Variants in ALKBH4 observed in about 807,000 individuals in gnomAD.
ALKBH4 encodes alpha-ketoglutarate-dependent dioxygenase alkB homolog 4.
A neutral mutation model predicts 12.1 loss-of-function variants in ALKBH4; 8 were observed. The ratio of observed to expected loss-of-function variants is 0.66; its 90% CI spans 0.39 to 1.19. ALKBH4 has a LOEUF of 1.19. Ranked by LOEUF, ALKBH4 falls within the 50% of genes most tolerant of loss-of-function variation. The pLI, the probability that ALKBH4 is intolerant of heterozygous loss-of-function variation, is 0.01. For missense variants in ALKBH4, 403 were observed against 430.4 expected, an observed-to-expected ratio of 0.94 and a Z score of 0.56; for synonymous variants, 195 against 191.6, an observed-to-expected ratio of 1.02 and a Z score of -0.15.
At chr7:102,463,850 C>T (rs1237826241) in intron 1 of ALKBH4, among the ~76,000 whole-genome samples, 2 of 152,196 alleles carry the variant, frequency 1.3e-5, no homozygotes, top group Non-Finnish European at 2.9e-5. Context: ...TTACCATGGA[C>T]GTTGGGGCAG....
At chr7:102,461,061 G>A (rs1797783148) in intron 1 of ALKBH4, among the ~76,000 whole-genome samples, 1 of 152,154 alleles carries the variant, frequency 6.6e-6, no homozygotes, top group Non-Finnish European at 1.5e-5. Context: ...ACCAGGCCAG[G>A]CACGGTGGCT....
At chr7:102,458,049 G>A (rs975806846) in intron 2 of ALKBH4, 68 bp from the exon 3 acceptor site, 1 of 1,457,322 alleles carries the variant, frequency 6.9e-7, no homozygotes, top group African/African-American at 1.4e-5. Flanking sequence ...CAGACTAGGT[G>A]GGAAGAATTC....
intron 2 of ALKBH4, among the ~76,000 whole-genome samples, chr7:102,458,460 T>C (rs1020192118): frequency 6.6e-6 from 1 of 152,122 alleles, no homozygotes; most frequent in Non-Finnish European, 1.5e-5. Flanking sequence ...TTCCAGCTAC[T>C]TAGGAGGCTG....
In ALKBH4 at chr7:102,459,821, C is replaced by A; in HGVS notation, c.124-20G>T. Reference sequence around the variant, plus strand: ...TGTTTTCTGCAAAAGAAACACAAGTCCACAGGCTGGGCAACACAGCGAGAC... The same window carrying A: ...TGTTTTCTGCAAAAGAAACACAAGTACACAGGCTGGGCAACACAGCGAGAC... On this transcript the variant is annotated intron_variant, in intron 1 of 2. Coordinates refer to ENST00000292566, the MANE Select transcript of ALKBH4 (RefSeq NM_017621.4). 1 of 1,572,938 alleles carries A rather than the reference C, an allele frequency of 6.4e-7. No homozygotes were observed. Among genetic ancestry groups the A allele is most frequent in the Non-Finnish European group, 8.6e-7 (1 of 1,158,040 alleles).
chr7:102,457,579 G>T lies in ALKBH4; in HGVS notation c.724C>A (p.Leu242Met). The part of the protein sequence containing the change: ...VAIPLPARSL[L>M]VLTGAARHQW... ...TGCCGTGCCGCCCCGGTGAGGACCAGCAGGGAGCGGGCGGGTAAGGGGATG... is the reference window on the plus strand; with the variant it reads ...TGCCGTGCCGCCCCGGTGAGGACCATCAGGGAGCGGGCGGGTAAGGGGATG... The change falls in exon 3 of 3, where the codon CTG (leucine) becomes ATG (methionine). Residue 242 changes from leucine (L) to methionine (M), a missense_variant. Leu to Met is a conservative substitution (Grantham distance 15). Coordinates refer to ENST00000292566, the MANE Select transcript of ALKBH4 (RefSeq NM_017621.4). This position sits in a 1 kb window ranked among gnomAD's most constrained non-coding sequence, Gnocchi z 5.9. 6.2e-7 allele frequency: 1 copy of T among 1,607,938 alleles called. No homozygotes were observed.
chr7:102,457,835 C>T lies in ALKBH4; in HGVS notation c.468G>A (p.Leu156=). The change falls in exon 3 of 3, where the codon CTG becomes CTA. Residue 156 remains leucine (L), a synonymous_variant. Coordinates refer to ENST00000292566, the MANE Select transcript of ALKBH4 (RefSeq NM_017621.4). This position sits in a 1 kb window ranked among gnomAD's most constrained non-coding sequence, Gnocchi z 5.9. ...CAGAGCCCCGCTCGGGGCAGTAGTC[C>T]AGGTTGCACTGCTCGACGGGCCGGA... ...EGFRPVEQCN[L]DYCPERGSAI... is the part of the protein sequence containing the mutation. 6.2e-7 allele frequency: 1 copy of T among 1,610,986 alleles called. No individual in the cohort carries two copies. Among genetic ancestry groups the T allele is most frequent in the Non-Finnish European group, 8.5e-7 (1 of 1,179,886 alleles).
intron 1 of ALKBH4, 49 bp from the exon 2 acceptor site, chr7:102,459,850 G>A: frequency 6.6e-7 from 1 of 1,520,252 alleles, no homozygotes; most frequent in African/African-American, 1.4e-5. Context: ...GCGAGACCCG[G>A]TCCCTACGAA....
At chr7:102,464,039 C>T (rs1586733495) in intron 1 of ALKBH4, among the ~76,000 whole-genome samples, 1 of 95,042 alleles carries the variant, frequency 1.1e-5, no homozygotes, top group African/African-American at 3.1e-5. Flanking sequence ...GATCAGACCT[C>T]CCCCCCCCCA....
intron 1 of ALKBH4, among the ~76,000 whole-genome samples, chr7:102,462,374 CTTTTT>C (rs113479086): frequency 6.6e-6 from 1 of 151,148 alleles, no homozygotes; most frequent in African/African-American, 2.4e-5. Context: ...TTTTTCTTTT[CTTTTT>C]TTTTGTTTGA....
chr7:102,464,046 C>A (rs555321289), intron 1 of ALKBH4, among the ~76,000 whole-genome samples: 12 of 152,066 alleles, frequency 7.9e-5, no homozygotes, highest in Middle Eastern at 3.4e-3. Context: ...CCTCCCCCCC[C>A]CCACAACCTC....
chr7:102,458,531 C>T (rs879485681), intron 2 of ALKBH4, among the ~76,000 whole-genome samples: 10 of 151,404 alleles, frequency 6.6e-5, no homozygotes, highest in South Asian at 2.1e-4. Flanking sequence ...ACTGAGCCAC[C>T]GTACTCCAGC....
At position 102,459,765 on chromosome 7, in the gene ALKBH4, A is replaced by G; in HGVS notation, c.160T>C (p.Trp54Arg). ...YRFIYCSDTG[W>R]AVGTEESDFE... The stretch of plus-strand genomic sequence containing the variant: ...TCAGACTCCTCTGTGCCCACGGCCC[A>G]GCCGGTGTCGGAGCAGTAAATGAAA... The change falls in exon 2 of 3, where the codon TGG becomes CGG. Residue 54 changes from tryptophan (W) to arginine (R), a missense_variant. Trp to Arg is a moderately radical substitution (Grantham distance 101). Transcript: ENST00000292566. The G allele has an allele frequency of 6.2e-7, 1 of 1,611,686 alleles. No homozygotes were observed. Among genetic ancestry groups the G allele is most frequent in the Non-Finnish European group, 8.5e-7 (1 of 1,179,004 alleles).
chr7:102,463,803 G>A (rs1797862641), intron 1 of ALKBH4, among the ~76,000 whole-genome samples: 1 of 152,224 alleles, frequency 6.6e-6, no homozygotes, highest in Non-Finnish European at 1.5e-5. Context: ...TAATTCATGA[G>A]GCATGCCATG....
chr7:102,460,649 A>G (rs935641735), intron 1 of ALKBH4, among the ~76,000 whole-genome samples: 8 of 152,192 alleles, frequency 5.3e-5, no homozygotes, highest in African/African-American at 1.9e-4. Flanking sequence ...AACCAGCCCG[A>G]GGCTGGACAG....
At chr7:102,459,051 C>T (rs1005957615) in intron 2 of ALKBH4, among the ~76,000 whole-genome samples, 1 of 149,308 alleles carries the variant, frequency 6.7e-6, no homozygotes, top group African/African-American at 2.5e-5. Flanking sequence ...GAGGCTGAGC[C>T]AGAAGAATGG....
intron 2 of ALKBH4, 78 bp from the exon 3 acceptor site, chr7:102,458,059 C>T: frequency 7.1e-7 from 1 of 1,410,334 alleles, no homozygotes; most frequent in Non-Finnish European, 9.5e-7. Context: ...GGGAAGAATT[C>T]AGTCATAGTG....
At chr7:102,459,511 G>C (rs1797743550) in intron 2 of ALKBH4, 93 bp downstream of exon 2, 1 of 1,454,684 alleles carries the variant, frequency 6.9e-7, no homozygotes, top group Admixed American at 2.2e-5. Context: ...GGAGGTTTGA[G>C]GGGTGTGGCT....
At chr7:102,459,353 C>A in intron 2 of ALKBH4, 1 of 403,054 alleles carries the variant, frequency 2.5e-6, no homozygotes. Flanking sequence ...CACCACCAAG[C>A]CAGCTACAGA....
rs186674590 is a variant in ALKBH4, at chr7:102,464,361, G to A, written c.123+353C>T. Among the ~76,000 whole-genome samples, 39 of 152,090 alleles carry A rather than the reference G, an allele frequency of 2.6e-4. No individual in the cohort carries two copies. In the East Asian group the frequency reaches 7.2e-3, roughly 28 times the overall value. ...TGTCTCCTTGCCCATTGCAGTCCACGGCCTTCAGGCACCGTTGGACTGGTA... is the reference window on the plus strand; with the variant it reads ...TGTCTCCTTGCCCATTGCAGTCCACAGCCTTCAGGCACCGTTGGACTGGTA... On this transcript the variant is annotated intron_variant, in intron 1 of 2. Transcript: ENST00000292566.
Sources: gnomAD v4.1 joint callset for allele counts (sites outside exome capture counted in the v4.1 genomes callset) on GRCh38, gnomAD v4.1.1 for gene constraint, Gnocchi (gnomAD v3.1) non-coding constraint, MANE v1.5 for transcripts, NCBI Gene and HGNC (gene_info 2026-07-23, HGNC 2026-07-21) for gene names.